USF2: variants seen among roughly 807,000 people sequenced by gnomAD.
USF2 encodes upstream transcription factor 2, c-fos interacting.
In USF2, 16 loss-of-function variants were observed where a neutral mutation model predicts 46.9. The observed-to-expected ratio is 0.34, with a 90% CI of 0.23 to 0.52. The LOEUF is 0.52. USF2 is among the 20% of genes least tolerant of loss of function. USF2 has a pLI of 0.96. For missense variants in USF2, 411 were observed against 474.0 expected, an observed-to-expected ratio of 0.87 and a Z score of 1.23; for synonymous variants, 239 against 194.1, an observed-to-expected ratio of 1.23 and a Z score of -1.92.
chr19:35,275,478 C>G (rs1184703057), intron 7 of USF2: 1 of 140,178 alleles, frequency 7.1e-6, no homozygotes, highest in Non-Finnish European at 1.6e-5. Context: ...CTTTATTTTA[C>G]AGGATTAATG....
intron 7 of USF2, among the ~76,000 whole-genome samples, chr19:35,276,116 A>C (rs537065343): frequency 9.0e-5 from 12 of 133,628 alleles, no homozygotes; most frequent in South Asian, 2.4e-4. Flanking sequence ...CTGTCACCCA[A>C]GCTGGTGTGC....
Position 35,270,060 on chromosome 19 carries a change from C to T in USF2, c.429+57C>T, listed in dbSNP as rs898089733. On this transcript the variant is annotated intron_variant, in intron 4 of 9. Transcript: ENST00000222305. ...GGAGGGAGTGGAGAGGGGACACTGG[C>T]TCTGCTCTTGGGGAGCCCCGGGGGT... 2.1e-5 allele frequency: 28 copies of T among 1,348,448 alleles called. No individual in the cohort carries two copies. The South Asian group carries it at 4.5e-4, about 22-fold the overall frequency. The allele number at this position is 1,348,448 out of a possible 1,614,324, so 83.5% of individuals were successfully genotyped here.
chr19:35,274,550 T>G (rs572062667), intron 7 of USF2, among the ~76,000 whole-genome samples: 1 of 152,112 alleles, frequency 6.6e-6, no homozygotes, highest in Middle Eastern at 3.2e-3. Context: ...CCAGCACTTT[T>G]GGGATTACAT....
At chr19:35,270,688 C>G (rs767909683) in intron 5 of USF2, 30 bp from the exon 6 acceptor site, 1 of 1,613,572 alleles carries the variant, frequency 6.2e-7, no homozygotes, top group South Asian at 1.1e-5. Context: ...TTCACCCTGC[C>G]TTGCCACTAA....
At chr19:35,270,138 C>T (rs1258564240) in intron 4 of USF2, 135 bp downstream of exon 4, 2 of 1,092,140 alleles carry the variant, frequency 1.8e-6, no homozygotes, top group East Asian at 3.0e-5. Context: ...CTGCATGGGG[C>T]CAGATCCCTG....
At chr19:35,278,673 G>A (rs370266671) in intron 7 of USF2, 25 bp from the exon 8 acceptor site, 105 of 1,613,198 alleles carry the variant, frequency 6.5e-5, no homozygotes, top group African/African-American at 4.7e-4. Flanking sequence ...CAGCGAAGCC[G>A]TGGCTGTGAC....
Position 35,269,679 on chromosome 19 carries a change from A to T in USF2, c.208A>T (p.Thr70Ser). ...CCACAACATCCAGTACCAGTTCCGCACAGAGACAAATGGAGGACAGGTGAG... is the reference window on the plus strand; with the variant it reads ...CCACAACATCCAGTACCAGTTCCGCTCAGAGACAAATGGAGGACAGGTGAG... ...GDHNIQYQFR[T>S]ETNGGQVTYR... Residue 70 changes from threonine to serine, a missense_variant, in exon 3 of 10, where the codon ACA becomes TCA. Coordinates refer to ENST00000222305, the MANE Select transcript of USF2 (RefSeq NM_003367.4). 6.9e-7 allele frequency: 1 copy of T among 1,448,400 alleles called. No homozygotes were observed. The highest frequency in any genetic ancestry group is 9.2e-7 in the Non-Finnish European group (1 of 1,084,624). 89.7% of individuals were successfully genotyped at this position (1,448,400 alleles called of 1,614,324 possible).
chr19:35,273,360 C>G (rs954178989), intron 7 of USF2, among the ~76,000 whole-genome samples: 2 of 152,190 alleles, frequency 1.3e-5, no homozygotes, highest in African/African-American at 4.8e-5. Flanking sequence ...CTGTTCCTTT[C>G]TGGAATCTTC....
intron 7 of USF2, among the ~76,000 whole-genome samples, chr19:35,272,283 G>T (rs955062729): frequency 6.6e-6 from 1 of 152,176 alleles, no homozygotes; most frequent in Admixed American, 6.5e-5. Flanking sequence ...ATCAGGCAGT[G>T]CAGGCAGTCA....
intron 7 of USF2, among the ~76,000 whole-genome samples, chr19:35,271,920 G>T (rs553221622): frequency 6.6e-6 from 1 of 152,178 alleles, no homozygotes; most frequent in Non-Finnish European, 1.5e-5. Context: ...CTGGGGTGAC[G>T]CTTCCCTAGG....
intron 7 of USF2, chr19:35,275,810 G>C (rs376550224): frequency 6.6e-6 from 1 of 152,156 alleles, no homozygotes; most frequent in Admixed American, 6.5e-5. Flanking sequence ...AGACTTACCC[G>C]ACGGGCCCGA....
intron 6 of USF2, 131 bp downstream of exon 6, chr19:35,270,936 G>C (rs1168946349): frequency 1.4e-6 from 2 of 1,417,570 alleles, no homozygotes; most frequent in African/African-American, 1.4e-5. Context: ...TGTTTCTGCT[G>C]CTCTAGTGCA....
At chr19:35,271,039 C>T (rs777852646) in intron 6 of USF2, 44 bp from the exon 7 acceptor site, 5 of 1,608,384 alleles carry the variant, frequency 3.1e-6, no homozygotes, top group South Asian at 1.1e-5. Context: ...GGGCAAACAG[C>T]TCTGCGATAA....
intron 7 of USF2, chr19:35,277,158 AGGC>A (rs1369218877): frequency 2.6e-5 from 4 of 152,480 alleles, no homozygotes; most frequent in Non-Finnish European, 4.4e-5. Context: ...GAGTTCCCAA[AGGC>A]GGGTGTGGTT....
chr19:35,278,609 T>A, intron 7 of USF2, 89 bp from the exon 8 acceptor site: 4 of 1,357,150 alleles, frequency 2.9e-6, no homozygotes, highest in Non-Finnish European at 3.1e-6. Context: ...TGTTCCTGGG[T>A]GTCCTTGGGC....
chr19:35,271,108 C>A lies in USF2; in HGVS notation c.694C>A (p.Arg232=), dbSNP rs140499717. ...AAAAATTGATGGAACCAGAACACCC[C>A]GAGATGAGAGGAGAAGAGCCCAGCA... ...SPKIDGTRTP[R]DERRRAQHNE... Residue 232 remains arginine (R), a synonymous_variant, in exon 7 of 10, where the codon CGA becomes AGA. Coordinates refer to ENST00000222305, the MANE Select transcript of USF2 (RefSeq NM_003367.4). The A allele has an allele frequency of 1.4e-5, 22 of 1,613,850 alleles. No homozygotes were observed. The African/African-American group carries it at 2.7e-4, about 20-fold the overall frequency.
intron 4 of USF2, 104 bp from the exon 5 acceptor site, chr19:35,270,343 C>T (rs1017528862): frequency 8.0e-6 from 12 of 1,497,378 alleles, no homozygotes; most frequent in South Asian, 7.8e-5. Context: ...AGTCCCCACT[C>T]CTGTTAATTG....
At position 35,279,492 on chromosome 19, in the gene USF2, GC is replaced by G. The variant is rs1396834735; in HGVS notation, c.*239del. 1 of 500,796 alleles carries G rather than the reference GC, an allele frequency of 2.0e-6. No homozygotes were observed. The highest frequency in any genetic ancestry group is 2.0e-5 in the African/African-American group (1 of 49,602). The allele number at this position is 500,796 out of a possible 1,614,324, so 31.0% of individuals were successfully genotyped here. On this transcript the variant is annotated 3_prime_UTR_variant, in exon 10 of 10. Transcript: ENST00000222305. ...CCGTCTGTCTGTCGCCCTTCTCCCG[GC>G]CCTCACTAAGCCCCGGCACTTCTAG...
Position 35,279,240 on chromosome 19 carries a change from AG to A in USF2, c.1028del (p.Gly343AlafsTer53). ...LQQHNLEMVG[E>X]GTRQ is the part of the protein sequence containing the mutation. Reference sequence around the variant, plus strand: ...CAGCACAACCTGGAGATGGTGGGCGAGGGCACCCGGCAGTGACGCCCGCCAC... The same window carrying A: ...CAGCACAACCTGGAGATGGTGGGCGAGGCACCCGGCAGTGACGCCCGCCAC... On this transcript the variant is annotated frameshift_variant, in exon 10 of 10. Coordinates refer to ENST00000222305, the MANE Select transcript of USF2 (RefSeq NM_003367.4). LOFTEE classifies it high-confidence loss of function. The A allele has an allele frequency of 6.5e-7, 1 of 1,550,352 alleles. No individual in the cohort carries two copies. The highest frequency in any genetic ancestry group is 8.7e-7 in the Non-Finnish European group (1 of 1,147,542).
Sources: allele counts gnomAD v4.1 joint callset (sites outside exome capture counted in the v4.1 genomes callset), GRCh38; gene constraint gnomAD v4.1.1; transcripts MANE v1.5; gene names NCBI Gene and HGNC (gene_info 2026-07-23, HGNC 2026-07-21).